Variants in PRELID2 observed in about 807,000 individuals in gnomAD.
PRELID2 encodes PRELI domain-containing protein 2.
PRELID2 carries 25 observed loss-of-function variants against 28.4 expected under a neutral mutation model. The observed-to-expected ratio is 0.88, with a 90% CI of 0.64 to 1.23. The LOEUF is 1.23. Ranked by LOEUF, PRELID2 falls within the 50% of genes most tolerant of loss-of-function variation. PRELID2 has a pLI of 0.00. For synonymous variants in PRELID2, 76 were observed against 71.6 expected, an observed-to-expected ratio of 1.06 and a Z score of -0.31; for missense variants, 201 against 214.4, an observed-to-expected ratio of 0.94 and a Z score of 0.39.
chr5:145,431,345 A>T, the PRELID2 span, among the ~76,000 whole-genome samples: 1 of 152,122 alleles, frequency 6.6e-6, no homozygotes, highest in East Asian at 1.9e-4. Context: ...TATTGAATAA[A>T]CTAGGAAACT....
the PRELID2 span, among the ~76,000 whole-genome samples, chr5:145,367,752 TTA>T: frequency 2.5e-4 from 38 of 152,088 alleles, no homozygotes; most frequent in Non-Finnish European, 4.1e-4. Context: ...TAATATACAT[TTA>T]TGTCTTCCCC....
At chr5:145,633,625 T>C (rs919926531) in intron 1 of PRELID2, among the ~76,000 whole-genome samples, 4 of 152,226 alleles carry the variant, frequency 2.6e-5, no homozygotes, top group African/African-American at 9.6e-5. Context: ...TGCATCAGCA[T>C]ACTCCAATAT....
chr5:145,618,600 G>A (rs1753732339), intron 1 of PRELID2, among the ~76,000 whole-genome samples: 1 of 152,162 alleles, frequency 6.6e-6, no homozygotes, highest in African/African-American at 2.4e-5. Context: ...AAGGTGAAAT[G>A]GGCTGTGTAA....
At chr5:145,650,531 CATATATATAT>C (rs56324486) in intron 1 of PRELID2, among the ~76,000 whole-genome samples, 1,371 of 68,684 alleles carry the variant, frequency 0.02, 12 homozygotes, top group East Asian at 0.045. Context: ...CACATATATA[CATATATATAT>C]ATATATATAT....
At chr5:145,559,371 A>G (rs1381170180) in intron 1 of PRELID2, among the ~76,000 whole-genome samples, 1 of 152,228 alleles carries the variant, frequency 6.6e-6, no homozygotes, top group African/African-American at 2.4e-5. Flanking sequence ...CTAATAAAAA[A>G]AAGAAAAAGA....
chr5:145,617,964 C>A (rs903267169), intron 1 of PRELID2, among the ~76,000 whole-genome samples: 1 of 152,096 alleles, frequency 6.6e-6, no homozygotes, highest in Non-Finnish European at 1.5e-5. Context: ...AACTCCTGAC[C>A]TCAGGTGATC....
chr5:145,318,564 T>C, the PRELID2 span, among the ~76,000 whole-genome samples: 2 of 152,216 alleles, frequency 1.3e-5, no homozygotes, highest in African/African-American at 4.8e-5. Flanking sequence ...CTGGCCCCCC[T>C]CACAAGATGT....
At chr5:145,231,188 AG>A in the PRELID2 span, among the ~76,000 whole-genome samples, 1 of 151,902 alleles carries the variant, frequency 6.6e-6, no homozygotes. Flanking sequence ...ATTACAAACC[AG>A]GGCAGGTCCT....
chr5:145,794,877 G>T (rs1752633345), intron 5 of PRELID2, among the ~76,000 whole-genome samples: 1 of 152,042 alleles, frequency 6.6e-6, no homozygotes, highest in Non-Finnish European at 1.5e-5. Flanking sequence ...ATATTTATCT[G>T]AAATAGGGGT....
intron 1 of PRELID2, among the ~76,000 whole-genome samples, chr5:145,631,638 T>C (rs550667922): frequency 6.6e-6 from 1 of 152,146 alleles, no homozygotes; most frequent in Non-Finnish European, 1.5e-5. Flanking sequence ...AGCATCTGGA[T>C]CCTCAGCATC....
At position 145,758,717 on chromosome 5, in the gene PRELID2, A is replaced by G. The variant is rs1757335884; in HGVS notation, c.*1819T>C. Reference sequence around the variant, plus strand: ...TTACTCCAAAAGCCTACCAAATGCCATCTACAAATTGGAAAAAAAAGGTCA... The same window carrying G: ...TTACTCCAAAAGCCTACCAAATGCCGTCTACAAATTGGAAAAAAAAGGTCA... On this transcript the variant is annotated 3_prime_UTR_variant, in exon 7 of 7. Coordinates refer to ENST00000683046, the MANE Select transcript of PRELID2 (RefSeq NM_205846.3). Among the ~76,000 whole-genome samples, 1 of 152,162 alleles carries G rather than the reference A, an allele frequency of 6.6e-6. No individual in the cohort carries two copies. Among genetic ancestry groups the G allele is most frequent in the African/African-American group, 2.4e-5 (1 of 41,452 alleles).
chr5:145,581,589 G>T (rs551528074), intron 1 of PRELID2, among the ~76,000 whole-genome samples: 1 of 152,030 alleles, frequency 6.6e-6, no homozygotes, highest in Admixed American at 6.6e-5. Context: ...GCATTGTTAG[G>T]AGTTAAAATC....
chr5:145,357,737 T>C, the PRELID2 span, among the ~76,000 whole-genome samples: 1 of 152,186 alleles, frequency 6.6e-6, no homozygotes, highest in Non-Finnish European at 1.5e-5. Flanking sequence ...CTGAATCATA[T>C]TTCTGACATT....
chr5:145,421,934 C>T, the PRELID2 span, among the ~76,000 whole-genome samples: 2 of 152,060 alleles, frequency 1.3e-5, no homozygotes, highest in Admixed American at 6.6e-5. Flanking sequence ...TATGTTGTGT[C>T]TTTGTTCTCC....
the PRELID2 span, among the ~76,000 whole-genome samples, chr5:145,297,463 T>C: frequency 6.6e-6 from 1 of 151,972 alleles, no homozygotes; most frequent in Non-Finnish European, 1.5e-5. Context: ...TGATGGGACG[T>C]ATCTCAAAAT....
intron 1 of PRELID2, among the ~76,000 whole-genome samples, chr5:145,676,795 T>C (rs1754826724): frequency 6.6e-6 from 1 of 152,152 alleles, no homozygotes; most frequent in Admixed American, 6.5e-5. Context: ...TTATAGAATA[T>C]ACAGAGGACA....
chr5:145,237,835 A>G, the PRELID2 span, among the ~76,000 whole-genome samples: 103 of 152,192 alleles, frequency 6.8e-4, no homozygotes, highest in Non-Finnish European at 1.1e-3. Context: ...CCATCTGATC[A>G]TTCCTTCCTG....
intron 1 of PRELID2, among the ~76,000 whole-genome samples, chr5:145,494,732 T>C (rs1443296366): frequency 1.3e-5 from 2 of 152,152 alleles, no homozygotes; most frequent in African/African-American, 2.4e-5. Flanking sequence ...AAAAGAATAT[T>C]AGATCTTACT....
At chr5:145,346,216 GTTAATA>G in the PRELID2 span, among the ~76,000 whole-genome samples, 2 of 152,034 alleles carry the variant, frequency 1.3e-5, no homozygotes, top group African/African-American at 4.8e-5. Context: ...ATTTTACAGT[GTTAATA>G]TTAATAATTC....
Sources: allele counts gnomAD v4.1 joint callset (sites outside exome capture counted in the v4.1 genomes callset), GRCh38; gene constraint gnomAD v4.1.1; transcripts MANE v1.5; gene names NCBI Gene and HGNC (gene_info 2026-07-23, HGNC 2026-07-21).